The following GOLGA4 variants were observed in gnomAD, a reference collection of about 807,000 sequenced individuals.
GOLGA4 encodes golgin subfamily A member 4.
Under a neutral mutation model 265.9 loss-of-function variants are expected in GOLGA4, and 169 were observed. The observed-to-expected ratio is 0.64, with a 90% CI of 0.56 to 0.72. The LOEUF (loss-of-function observed/expected upper bound fraction) is 0.72. Among genes scored for constraint, GOLGA4 ranks in the 30% least tolerant of loss-of-function variants. GOLGA4 has a pLI of 0.00. For synonymous variants in GOLGA4, 923 were observed against 855.8 expected (o/e 1.08, Z -1.37); for missense variants, 2,482 against 2,483.4 (o/e 1.00, Z 0.01).
intron 18 of GOLGA4, 59 bp downstream of exon 18, chr3:37,337,222 C>G: frequency 1.1e-6 from 1 of 914,658 alleles, no homozygotes; most frequent in Non-Finnish European, 1.7e-6. Flanking sequence ...GATTCTCACT[C>G]TGTTGCCCAG....
chr3:37,261,334 A>C (rs2150668051), intron 2 of GOLGA4, among the ~76,000 whole-genome samples: 1 of 152,282 alleles, frequency 6.6e-6, no homozygotes. Context: ...TCATGGAAGT[A>C]GTAGATAAAA....
In GOLGA4 at chr3:37,324,968, C is replaced by G; in HGVS notation, c.3082C>G (p.Gln1028Glu). Reference sequence around the variant, plus strand: ...AAGACTGGAAACAAACCAAAAAGAACAAATAGAAAGTCTTACTGAGGTTCA... The same window carrying G: ...AAGACTGGAAACAAACCAAAAAGAAGAAATAGAAAGTCTTACTGAGGTTCA... The part of the protein sequence containing the change: ...VSRLETNQKE[Q>E]IESLTEVHRR... Residue 1028 changes from glutamine to glutamate, a missense_variant, in exon 14 of 24, where the codon CAA becomes GAA. Physicochemically the swap from Gln to Glu is conservative, Grantham distance 29 (BLOSUM62 2). Transcript: ENST00000361924. 1 of 1,612,910 alleles carries G rather than the reference C, an allele frequency of 6.2e-7. No individual in the cohort carries two copies. The highest frequency in any genetic ancestry group is 8.5e-7 in the Non-Finnish European group (1 of 1,179,536).
Position 37,261,198 on chromosome 3 carries a change from T to G in GOLGA4, c.162+9714T>G, listed in dbSNP as rs751757587. ...AAAAAAAAGAAAAAAGTCTGCTGGTTGTTGTTGGAAATAATCAGTCACAGT... is the reference window on the plus strand; with the variant it reads ...AAAAAAAAGAAAAAAGTCTGCTGGTGGTTGTTGGAAATAATCAGTCACAGT... On this transcript the variant is annotated intron_variant, in intron 2 of 23. Transcript: ENST00000361924. 4.6e-5 allele frequency among the ~76,000 whole-genome samples: 7 copies of G among 151,920 alleles called. 1 individual carries two copies. Among genetic ancestry groups the G allele is most frequent in the Non-Finnish European group, 1.0e-4 (7 of 67,970 alleles).
At chr3:37,340,622 C>T (rs561231632) in intron 20 of GOLGA4, among the ~76,000 whole-genome samples, 1 of 152,176 alleles carries the variant, frequency 6.6e-6, no homozygotes, top group Non-Finnish European at 1.5e-5. Context: ...TCCCACCCCC[C>T]ACAGTCCCTT....
chr3:37,320,313 G>A (rs974047376), intron 12 of GOLGA4: 35 of 152,068 alleles, frequency 2.3e-4, no homozygotes, highest in African/African-American at 7.2e-4. Context: ...ATTATTATCC[G>A]TAAGATAATA....
intron 16 of GOLGA4, among the ~76,000 whole-genome samples, chr3:37,333,260 C>T (rs541891346): frequency 6.6e-6 from 1 of 152,292 alleles, no homozygotes; most frequent in East Asian, 1.9e-4. Context: ...TTAACATTGA[C>T]TGTATTTTAG....
chr3:37,328,537 A>G lies in GOLGA4; in HGVS notation c.6061A>G (p.Asn2021Asp), dbSNP rs1472734339. The G allele has an allele frequency of 1.2e-6, 2 of 1,609,052 alleles. No individual in the cohort carries two copies. The highest frequency in any genetic ancestry group is 1.7e-6 in the Non-Finnish European group (2 of 1,177,854). The change falls in exon 15 of 24, where the codon AAT becomes GAT. Residue 2021 changes from asparagine (N) to aspartate (D), a missense_variant and splice_region_variant. Around this residue, in one of 3 missense-constraint regions of GOLGA4, gnomAD observed 942 missense variants for 983.1 expected, o/e 0.96. Transcript: ENST00000361924. ...ELEMTIKETI[N>D]KAQEVEAELL... ...GGAAATGACCATAAAAGAAACTATC[A>G]GTAAGTAAAATTAAGTTCCATAAGG...
At chr3:37,323,139 T>C (rs10530032) in intron 13 of GOLGA4, among the ~76,000 whole-genome samples, 39,180 of 130,458 alleles carry the variant, frequency 0.3, 6,380 homozygotes, top group Non-Finnish European at 0.39. Flanking sequence ...TTTTTTTTTT[T>C]CCAAGACAGA....
chr3:37,344,421 A>C (rs2097049353), intron 20 of GOLGA4, among the ~76,000 whole-genome samples: 1 of 151,520 alleles, frequency 6.6e-6, no homozygotes, highest in Admixed American at 6.6e-5. Flanking sequence ...GTATTTTTGA[A>C]GATCTGTTTC....
Position 37,282,083 on chromosome 3 carries a change from A to G in GOLGA4, c.288A>G (p.Thr96=), listed in dbSNP as rs1023813128. The G allele has an allele frequency of 3.1e-6, 5 of 1,614,138 alleles. No homozygotes were observed. In the South Asian group the frequency reaches 3.3e-5, roughly 11 times the overall value. ...RSSSKESLVR[T]SSRESLNRLD... ...CTTCTAAAGAGTCTTTGGTACGAAC[A>G]TCTTCCAGAGAATCCCTGAATCGAC... Residue 96 remains threonine, a synonymous_variant, in exon 3 of 24, where the codon ACA becomes ACG. Coordinates refer to ENST00000361924, the MANE Select transcript of GOLGA4 (RefSeq NM_002078.5).
At chr3:37,330,457 G>A (rs1263087004) in intron 16 of GOLGA4, among the ~76,000 whole-genome samples, 2 of 152,172 alleles carry the variant, frequency 1.3e-5, no homozygotes, top group East Asian at 1.9e-4. Flanking sequence ...TTTGTCTCGG[G>A]ATGTGTGGGG....
At chr3:37,311,336 T>C (rs143667819) in intron 10 of GOLGA4, among the ~76,000 whole-genome samples, 3 of 152,278 alleles carry the variant, frequency 2.0e-5, no homozygotes, top group African/African-American at 7.2e-5. Context: ...TAAAGCACGA[T>C]GGGGAGGCAG....
intron 20 of GOLGA4, among the ~76,000 whole-genome samples, chr3:37,346,781 CGAGTCT>C (rs2097057998): frequency 6.6e-6 from 1 of 152,156 alleles, no homozygotes; most frequent in Non-Finnish European, 1.5e-5. Flanking sequence ...TAGTAGTACA[CGAGTCT>C]CCATTGTTTC....
At chr3:37,259,020 C>T (rs2096762235) in intron 2 of GOLGA4, among the ~76,000 whole-genome samples, 1 of 151,962 alleles carries the variant, frequency 6.6e-6, no homozygotes, top group Admixed American at 6.6e-5. Context: ...GTTCACCTCT[C>T]TTGTATTTTT....
At chr3:37,296,326 G>T in intron 7 of GOLGA4, 107 bp downstream of exon 7, 1 of 1,100,100 alleles carries the variant, frequency 9.1e-7, no homozygotes, top group Non-Finnish European at 1.3e-6. Context: ...TGGGAGGATC[G>T]CTTGAGTTCA....
chr3:37,289,467 A>G (rs950674008), intron 5 of GOLGA4, among the ~76,000 whole-genome samples, 176 bp downstream of exon 5: 4 of 152,224 alleles, frequency 2.6e-5, no homozygotes. Context: ...GGTTTTTCTA[A>G]GATACATTGT....
chr3:37,307,267 G>A (rs958459532), intron 10 of GOLGA4, among the ~76,000 whole-genome samples: 2 of 152,040 alleles, frequency 1.3e-5, no homozygotes, highest in African/African-American at 4.8e-5. Context: ...TTATTCATTT[G>A]TATAGTATAG....
intron 2 of GOLGA4, among the ~76,000 whole-genome samples, chr3:37,255,036 A>G (rs1315873026): frequency 2.6e-5 from 4 of 151,586 alleles, no homozygotes; most frequent in South Asian, 2.1e-4. Flanking sequence ...GTAGAAAGCT[A>G]TTTATAATAC....
At chr3:37,310,033 TTTTG>T (rs1187602482) in intron 10 of GOLGA4, among the ~76,000 whole-genome samples, 4 of 152,230 alleles carry the variant, frequency 2.6e-5, no homozygotes, top group South Asian at 2.1e-4. Flanking sequence ...CATTCACTCA[TTTTG>T]TTTGTTTGTT....
Sources: gnomAD v4.1 joint callset for allele counts (sites outside exome capture counted in the v4.1 genomes callset) on GRCh38, gnomAD v4.1.1 for gene constraint, gnomAD v4.1.1 regional missense constraint, MANE v1.5 for transcripts, NCBI Gene and HGNC (gene_info 2026-07-23, HGNC 2026-07-21) for gene names.